ADCY1: variants seen among roughly 807,000 people sequenced by gnomAD.
ADCY1 encodes adenylate cyclase 1, also known as adenylate cyclase type 1.
ADCY1 carries 28 observed loss-of-function variants against 105.4 expected under a neutral mutation model. The ratio of observed to expected loss-of-function variants is 0.27; its 90% CI spans 0.20 to 0.36. The LOEUF (loss-of-function observed/expected upper bound fraction) is 0.36. ADCY1 is among the 10% of genes least tolerant of loss of function. The pLI, the probability that ADCY1 is intolerant of heterozygous loss-of-function variation, is 1.00. For synonymous variants in ADCY1, 655 were observed against 623.8 expected (o/e 1.05, Z -0.75); for missense variants, 977 against 1,434.2 (o/e 0.68, Z 5.15).
In ADCY1 at chr7:45,636,097, T is replaced by A. The variant is rs1794393890; in HGVS notation, c.1021-12573T>A. Reference sequence around the variant, plus strand: ...CCTTCTTTATTCTGGTAATATTTTTTGCTTTGTAATCCCATTTGTCTGATA... The same window carrying A: ...CCTTCTTTATTCTGGTAATATTTTTAGCTTTGTAATCCCATTTGTCTGATA... On this transcript the variant is annotated intron_variant, in intron 4 of 19. Transcript: ENST00000297323. Among the ~76,000 whole-genome samples the A allele has an allele frequency of 2.0e-5, 3 of 152,270 alleles. No individual in the cohort carries two copies. In the South Asian group the frequency reaches 6.2e-4, roughly 31 times the overall value.
At chr7:45,637,049 T>C (rs1438271268) in intron 4 of ADCY1, among the ~76,000 whole-genome samples, 1 of 152,252 alleles carries the variant, frequency 6.6e-6, no homozygotes, top group Non-Finnish European at 1.5e-5. Flanking sequence ...TAATTTATTA[T>C]GTTTTATGAT....
intron 19 of ADCY1, among the ~76,000 whole-genome samples, chr7:45,711,145 T>G (rs1324938639): frequency 6.6e-6 from 1 of 152,188 alleles, no homozygotes; most frequent in African/African-American, 2.4e-5. Context: ...CTGCTTTTCC[T>G]CAGTGTGGAG....
chr7:45,625,827 G>A (rs1263662079), intron 4 of ADCY1, among the ~76,000 whole-genome samples: 4 of 152,220 alleles, frequency 2.6e-5, no homozygotes, highest in African/African-American at 9.7e-5. Flanking sequence ...GGACTGAGCT[G>A]ACATGGTTTT....
At chr7:45,614,494 G>A (rs368329085) in intron 3 of ADCY1, among the ~76,000 whole-genome samples, 14 of 152,066 alleles carry the variant, frequency 9.2e-5, no homozygotes, top group South Asian at 2.1e-4. Flanking sequence ...AAAGAACTCC[G>A]AGACTAATAG....
At chr7:45,652,609 C>G (rs1184144819) in intron 5 of ADCY1, among the ~76,000 whole-genome samples, 2 of 152,192 alleles carry the variant, frequency 1.3e-5, no homozygotes, top group African/African-American at 4.8e-5. Context: ...ATCTGTAAAC[C>G]TAGGCCTCCC....
intron 3 of ADCY1, among the ~76,000 whole-genome samples, chr7:45,616,206 A>C (rs950418993): frequency 1.3e-5 from 2 of 152,236 alleles, no homozygotes; most frequent in Non-Finnish European, 2.9e-5. Context: ...CCAACAACGA[A>C]AAGTCCAGGC....
intron 11 of ADCY1, among the ~76,000 whole-genome samples, chr7:45,683,518 T>G (rs1295585183): frequency 1.3e-5 from 2 of 152,028 alleles, no homozygotes; most frequent in Non-Finnish European, 2.9e-5. Flanking sequence ...CAGAGGGAGC[T>G]CCCCATGAGG....
intron 3 of ADCY1, among the ~76,000 whole-genome samples, chr7:45,612,134 G>GCTA (rs1793609868): frequency 2.0e-5 from 3 of 152,200 alleles, no homozygotes; most frequent in African/African-American, 7.2e-5. Context: ...AAGGACCAGT[G>GCTA]TTGTCCTCCT....
In ADCY1 at chr7:45,704,953, C is replaced by G. The variant is rs559848479; in HGVS notation, c.2817+337C>G. Among the ~76,000 whole-genome samples the G allele has an allele frequency of 2.1e-4, 31 of 150,706 alleles. No homozygotes were observed. The South Asian group carries it at 4.2e-3, about 21-fold the overall frequency. On this transcript the variant is annotated intron_variant, in intron 17 of 19. Coordinates refer to ENST00000297323, the MANE Select transcript of ADCY1 (RefSeq NM_021116.4). ...CTCCCCCACCAGCCCCCACCTTCCT[C>G]CCTGCTTGCCCCTCTCTTCTCCTCC...
In ADCY1 at chr7:45,575,108, C is replaced by A. The variant is rs765505992; in HGVS notation, c.565C>A (p.Leu189Ile). The A allele has an allele frequency of 1.9e-6, 3 of 1,612,532 alleles. No homozygotes were observed. The highest frequency in any genetic ancestry group is 2.2e-5 in the East Asian group (1 of 44,852). ...CAGCCTGCTGGCCATAGGCTTTGGG[C>A]TCGTGGTGGCTGCGTCGCACTTGCT... The part of the protein sequence containing the change: ...VRSLLAIGFG[L>I]VVAASHLLVT... The change falls in exon 1 of 20, where the codon CTC (leucine) becomes ATC (isoleucine). Residue 189 changes from leucine (L) to isoleucine (I), a missense_variant. By Grantham distance (5) the Leu-to-Ile change is conservative (BLOSUM62 2). Transcript: ENST00000297323. This position sits in a 1 kb window ranked among gnomAD's most constrained non-coding sequence, Gnocchi z 4.7.
At chr7:45,661,073 T>G (rs1795087313) in intron 7 of ADCY1, among the ~76,000 whole-genome samples, 1 of 152,114 alleles carries the variant, frequency 6.6e-6, no homozygotes, top group Admixed American at 6.5e-5. Context: ...GCAGAGCCAT[T>G]ACTGTGTTGG....
At position 45,686,522 on chromosome 7, in the gene ADCY1, G is replaced by T; in HGVS notation, c.2328-25G>T. ...GCCCTGGAAGCTCGGCACTGACTTG[G>T]CTTTTCTTCCTCATCTTCCCCCAGG... On this transcript the variant is annotated intron_variant, in intron 13 of 19. Transcript: ENST00000297323. The surrounding 1 kb of genome is among the most constrained non-coding windows in gnomAD (Gnocchi z 4.3). 6.3e-7 allele frequency: 1 copy of T among 1,599,428 alleles called. No individual in the cohort carries two copies. The highest frequency in any genetic ancestry group is 8.5e-7 in the Non-Finnish European group (1 of 1,171,452).
chr7:45,617,859 T>C (rs1252473885), intron 3 of ADCY1, among the ~76,000 whole-genome samples: 2 of 152,132 alleles, frequency 1.3e-5, no homozygotes, highest in Non-Finnish European at 2.9e-5. Flanking sequence ...GTGATGTTCT[T>C]CACAAAAATA....
At chr7:45,689,896 C>G (rs1784755305) in intron 14 of ADCY1, among the ~76,000 whole-genome samples, 1 of 152,214 alleles carries the variant, frequency 6.6e-6, no homozygotes, top group Non-Finnish European at 1.5e-5. Flanking sequence ...AGGAACATGG[C>G]AGAAAGAGGG....
intron 14 of ADCY1, among the ~76,000 whole-genome samples, chr7:45,693,895 C>T (rs368328933): frequency 1.4e-4 from 18 of 126,414 alleles, no homozygotes; most frequent in Admixed American, 2.6e-4. Context: ...TATTCTCACT[C>T]ATAGGTGGGA....
chr7:45,592,978 C>G (rs189484504), intron 2 of ADCY1, 70 bp downstream of exon 2: 1 of 1,587,332 alleles, frequency 6.3e-7, no homozygotes, highest in Non-Finnish European at 8.6e-7. Flanking sequence ...AAGCTGGCTT[C>G]CTGAGCCTCA....
chr7:45,677,351 C>G (rs116609112), intron 8 of ADCY1, among the ~76,000 whole-genome samples: 3,120 of 152,246 alleles, frequency 0.02, 66 homozygotes, highest in South Asian at 0.095. Flanking sequence ...TTCCTTTTGG[C>G]AAATGGGTGC....
chr7:45,684,410 C>T (rs570361228), intron 11 of ADCY1: 2 of 152,366 alleles, frequency 1.3e-5, no homozygotes, highest in South Asian at 2.1e-4. Flanking sequence ...GAGTTGTTTT[C>T]TGTAAGGTCC....
rs1793034599 is a variant in ADCY1 at position 45,595,060 on chromosome 7, AAG to A, written c.789+2155_789+2156del. 1.3e-5 allele frequency among the ~76,000 whole-genome samples: 2 copies of A among 152,228 alleles called. 1 individual carries two copies. The highest frequency in any genetic ancestry group is 4.1e-4 in the South Asian group (2 of 4,824). On this transcript the variant is annotated intron_variant, in intron 2 of 19. Transcript: ENST00000297323. ...CTGACATTTAGATACCACGTTCTAA[AAG>A]AGTTTTTTCTTCACGCACATGAAGT...
Sources: gnomAD v4.1 joint callset for allele counts (sites outside exome capture counted in the v4.1 genomes callset) on GRCh38, gnomAD v4.1.1 for gene constraint, Gnocchi (gnomAD v3.1) non-coding constraint, MANE v1.5 for transcripts, NCBI Gene and HGNC (gene_info 2026-07-23, HGNC 2026-07-21) for gene names.